METTL15: variants seen among roughly 807,000 people sequenced by gnomAD.
The protein encoded by METTL15 is methyltransferase 15, mitochondrial 12S rRNA N4-cytidine.
A neutral mutation model predicts 38.3 loss-of-function variants in METTL15; 34 were observed. The ratio of observed to expected loss-of-function variants is 0.89; its 90% CI spans 0.68 to 1.18. The LOEUF is 1.18. Among genes scored for constraint, METTL15 ranks in the 50% most tolerant of loss-of-function variants. METTL15 has a pLI of 0.00. For missense variants in METTL15, 438 were observed against 498.4 expected (o/e 0.88, Z 1.15); for synonymous variants, 162 against 170.9 (o/e 0.95, Z 0.41).
intron 3 of METTL15, among the ~76,000 whole-genome samples, chr11:28,168,504 A>G (rs1008827872): frequency 6.6e-6 from 1 of 151,650 alleles, no homozygotes; most frequent in Non-Finnish European, 1.5e-5. Context: ...TTTAGGGTAC[A>G]TGTGCACAAC....
intron 6 of METTL15, among the ~76,000 whole-genome samples, chr11:28,429,310 A>G (rs1412503178): frequency 6.6e-6 from 1 of 151,774 alleles, no homozygotes; most frequent in Non-Finnish European, 1.5e-5. Flanking sequence ...AAATATTGGT[A>G]AAAAGTGCCT....
intron 6 of METTL15, among the ~76,000 whole-genome samples, chr11:28,440,633 T>G (rs1851026113): frequency 6.6e-6 from 1 of 152,232 alleles, no homozygotes; most frequent in African/African-American, 2.4e-5. Context: ...TTATTTCAAC[T>G]ATTTAAGATG....
chr11:28,393,491 C>G (rs939322248), intron 5 of METTL15, among the ~76,000 whole-genome samples: 1 of 151,996 alleles, frequency 6.6e-6, no homozygotes, highest in Non-Finnish European at 1.5e-5. Context: ...ATGTTAGATG[C>G]CAGCTGGAGC....
chr11:28,299,701 G>A lies in METTL15; in HGVS notation c.778+2770G>A, dbSNP rs556138439. On this transcript the variant is annotated intron_variant, in intron 6 of 6. Coordinates refer to ENST00000407364, the MANE Select transcript of METTL15 (RefSeq NM_001113528.2). The stretch of plus-strand genomic sequence containing the variant: ...CACAATTGGAAGGGCACAAGTTCCT[G>A]TATGGGTTTCCTCGGGCTGCTGCTA... Among the ~76,000 whole-genome samples, 4 of 152,232 alleles carry A rather than the reference G, an allele frequency of 2.6e-5. No homozygotes were observed. The South Asian group carries it at 8.3e-4, about 32-fold the overall frequency.
At chr11:28,226,195 G>A (rs1322889800) in intron 4 of METTL15, among the ~76,000 whole-genome samples, 1 of 151,902 alleles carries the variant, frequency 6.6e-6, no homozygotes, top group Admixed American at 6.6e-5. Context: ...CTGAGGCAGT[G>A]GGTGTGAGTG....
chr11:28,360,380 C>T (rs570367069), intron 4 of METTL15, among the ~76,000 whole-genome samples: 6 of 152,308 alleles, frequency 3.9e-5, no homozygotes, highest in Non-Finnish European at 5.9e-5. Flanking sequence ...ATTCTTCTTC[C>T]GAATCCTTCT....
At position 28,279,268 on chromosome 11, in the gene METTL15, T is replaced by A. The variant is rs181153963; in HGVS notation, c.408-10938T>A. Among the ~76,000 whole-genome samples the A allele has an allele frequency of 1.4e-3, 216 of 152,332 alleles. 2 individuals carry two copies. The highest frequency in any genetic ancestry group is 4.8e-3 in the African/African-American group (201 of 41,588). ...TGCATGACATCTATTTCTGTCTTCT[T>A]ACTTTCACCTTTTTTTGATACTAAC... On this transcript the variant is annotated intron_variant, in intron 4 of 6. Transcript: ENST00000407364.
chr11:28,353,651 C>T (rs541919636), intron 4 of METTL15, among the ~76,000 whole-genome samples: 8 of 152,236 alleles, frequency 5.3e-5, no homozygotes, highest in South Asian at 2.1e-4. Context: ...GTCGGCCGGG[C>T]GCGGTGGCTC....
chr11:28,181,328 T>G (rs1851279538), intron 3 of METTL15, among the ~76,000 whole-genome samples: 1 of 147,124 alleles, frequency 6.8e-6, no homozygotes, highest in Non-Finnish European at 1.5e-5. Flanking sequence ...TACATAGGTA[T>G]ATACGTGCCA....
At chr11:28,164,174 CA>C (rs1308525645) in intron 3 of METTL15, 3 of 152,014 alleles carry the variant, frequency 2.0e-5, no homozygotes, top group Non-Finnish European at 4.4e-5. Flanking sequence ...ATTACATACA[CA>C]AACACAACAT....
At chr11:28,255,397 C>T (rs1258862666) in intron 4 of METTL15, among the ~76,000 whole-genome samples, 1 of 152,136 alleles carries the variant, frequency 6.6e-6, no homozygotes, top group Non-Finnish European at 1.5e-5. Context: ...CATCTGCAAA[C>T]AAGGATAATT....
chr11:28,315,636 A>G (rs1482579527), intron 6 of METTL15, among the ~76,000 whole-genome samples: 1 of 152,258 alleles, frequency 6.6e-6, no homozygotes, highest in Non-Finnish European at 1.5e-5. Context: ...AAATGTCTCC[A>G]GGGCATGTCA....
chr11:28,372,547 T>C (rs1240001571), intron 5 of METTL15, among the ~76,000 whole-genome samples: 1 of 151,620 alleles, frequency 6.6e-6, no homozygotes, highest in African/African-American at 2.4e-5. Context: ...TTCTTCACAA[T>C]TGGTTGACAT....
intron 6 of METTL15, among the ~76,000 whole-genome samples, chr11:28,464,693 A>G (rs1212059514): frequency 6.6e-6 from 1 of 152,182 alleles, no homozygotes; most frequent in Non-Finnish European, 1.5e-5. Context: ...CCTGTGCTTT[A>G]TCTACATTCT....
intron 4 of METTL15, among the ~76,000 whole-genome samples, chr11:28,276,634 G>A (rs190651368): frequency 6.6e-6 from 1 of 152,242 alleles, no homozygotes; most frequent in Non-Finnish European, 1.5e-5. Context: ...AGCCAAAGCA[G>A]TCTTGAGCAA....
intron 6 of METTL15, among the ~76,000 whole-genome samples, chr11:28,444,724 A>G (rs1172421740): frequency 6.6e-6 from 1 of 152,214 alleles, no homozygotes; most frequent in African/African-American, 2.4e-5. Context: ...ATCACTTAGC[A>G]TGAGGATGGC....
intron 4 of METTL15, among the ~76,000 whole-genome samples, chr11:28,239,699 T>C (rs1394638475): frequency 1.3e-5 from 2 of 152,202 alleles, no homozygotes; most frequent in African/African-American, 2.4e-5. Context: ...TGTTTGCACC[T>C]CCAAGCCATT....
chr11:28,487,766 T>G (rs1851450450), intron 6 of METTL15, among the ~76,000 whole-genome samples: 1 of 152,170 alleles, frequency 6.6e-6, no homozygotes, highest in Non-Finnish European at 1.5e-5. Context: ...TTCTATTTCT[T>G]CTCTCAGACA....
chr11:28,374,612 CAG>C (rs1382466878), intron 5 of METTL15, among the ~76,000 whole-genome samples: 1 of 140,370 alleles, frequency 7.1e-6, no homozygotes, highest in East Asian at 2.0e-4. Flanking sequence ...CATCTGCAAA[CAG>C]GGACAATTTG....
Sources: gnomAD v4.1 joint callset for allele counts (sites outside exome capture counted in the v4.1 genomes callset) on GRCh38, gnomAD v4.1.1 for gene constraint, MANE v1.5 for transcripts, NCBI Gene and HGNC (gene_info 2026-07-23, HGNC 2026-07-21) for gene names.